The following GBF1 variants were observed in gnomAD, a reference collection of about 807,000 sequenced individuals.
GBF1 encodes the protein golgi brefeldin A resistant guanine nucleotide exchange factor 1.
Under a neutral mutation model 210.5 loss-of-function variants are expected in GBF1, and 114 were observed. That is an observed-to-expected ratio of 0.54 (90% CI 0.47 to 0.63). The LOEUF is 0.63. GBF1 is among the 30% of genes least tolerant of loss of function. GBF1 has a pLI of 0.00. For missense variants in GBF1, 1,851 were observed against 2,357.7 expected, an observed-to-expected ratio of 0.79 and a Z score of 4.45; for synonymous variants, 850 against 889.2, an observed-to-expected ratio of 0.96 and a Z score of 0.78.
chr10:102,307,493 A>G lies in GBF1; in HGVS notation c.164-36558A>G, dbSNP rs994785842. ...TGAGAACCGGTGTAAATCAATAAGA[A>G]AAAAGCAGATTTCCCAGCTGGGCAC... On this transcript the variant is annotated intron_variant, in intron 3 of 39. Coordinates refer to ENST00000369983, the MANE Select transcript of GBF1 (RefSeq NM_001377137.1). Among the ~76,000 whole-genome samples, 8 of 152,060 alleles carry G rather than the reference A, an allele frequency of 5.3e-5. No homozygotes were observed. In the East Asian group the frequency reaches 1.5e-3, roughly 29 times the overall value.
intron 1 of GBF1, among the ~76,000 whole-genome samples, chr10:102,255,788 A>G (rs1362704318): frequency 6.6e-6 from 1 of 152,212 alleles, no homozygotes; most frequent in Non-Finnish European, 1.5e-5. Flanking sequence ...TTGTACATTC[A>G]TATCATTGAC....
chr10:102,248,785 C>T (rs928368895), intron 1 of GBF1, among the ~76,000 whole-genome samples: 10 of 152,110 alleles, frequency 6.6e-5, no homozygotes, highest in African/African-American at 2.2e-4. Flanking sequence ...CAGATGTGCG[C>T]CATCATGCCC....
rs397968996 is a variant in GBF1, at chr10:102,366,584, CTTTTTT to C, written c.2433+93_2433+98del. 6.2e-4 allele frequency: 399 copies of C among 641,388 alleles called. No individual in the cohort carries two copies. Among genetic ancestry groups the C allele is most frequent in the Non-Finnish European group, 7.1e-4 (304 of 428,600 alleles). The allele number at this position is 641,388 out of a possible 1,614,324, so 39.7% of individuals were successfully genotyped here. ...GGGCTGAAGAATCCAGCTGCTGTCT[CTTTTTT>C]TTTTTTTTTTTTTTGAGACAGAGTC... On this transcript the variant is annotated intron_variant, in intron 19 of 39. Transcript: ENST00000369983. The surrounding 1 kb of genome is among the most constrained non-coding windows in gnomAD (Gnocchi z 4.0).
chr10:102,359,778 C>CTTTT (rs57877868), intron 11 of GBF1, among the ~76,000 whole-genome samples: 1 of 139,284 alleles, frequency 7.2e-6, no homozygotes, highest in Non-Finnish European at 1.5e-5. Flanking sequence ...AATCCTTTTC[C>CTTTT]TTTTTTTTTT....
intron 17 of GBF1, among the ~76,000 whole-genome samples, chr10:102,364,942 T>C (rs1236744898): frequency 2.0e-5 from 3 of 152,204 alleles, no homozygotes; most frequent in Non-Finnish European, 2.9e-5. Context: ...TGGCCGTGAC[T>C]GGACATACAG....
chr10:102,305,175 TTGTGTGTGTGTG>T (rs60026956), intron 3 of GBF1, among the ~76,000 whole-genome samples: 361 of 139,738 alleles, frequency 2.6e-3, no homozygotes, highest in African/African-American at 7.2e-3. Flanking sequence ...ATATGCAGAT[TTGTGTGTGTGTG>T]TGTGTGTGTG....
chr10:102,380,227 G>A (rs374137417), intron 36 of GBF1, 22 bp from the exon 37 acceptor site: 10 of 1,528,478 alleles, frequency 6.5e-6, no homozygotes, highest in Non-Finnish European at 9.1e-6. Context: ...CCCCTCAGCT[G>A]AAGGGGGCTG....
At chr10:102,376,506 G>A in intron 31 of GBF1, 54 bp from the exon 32 acceptor site, 1 of 1,612,042 alleles carries the variant, frequency 6.2e-7, no homozygotes, top group Non-Finnish European at 8.5e-7. Context: ...CCTCTGCAAG[G>A]ACATTCACAC....
intron 3 of GBF1, among the ~76,000 whole-genome samples, chr10:102,260,473 C>CTTTTTTTTTTTTTTTTTT: frequency 1.3e-5 from 1 of 74,792 alleles, no homozygotes; most frequent in Non-Finnish European, 2.3e-5. Context: ...ATTTTCCTTT[C>CTTTTTTTTTTTTTTTTTT]TTCTTTTTTT....
At chr10:102,240,748 C>T (rs1474461629), upstream of GBF1, among the ~76,000 whole-genome samples, 1 of 152,268 alleles carries the variant, frequency 6.6e-6, no homozygotes, top group Non-Finnish European at 1.5e-5. Context: ...ACTATACCCG[C>T]CGCCTGGTCA....
chr10:102,291,171 CTTTGTTTGTTTG>C lies in GBF1; in HGVS notation c.163+31075_163+31086del, dbSNP rs79994004. On this transcript the variant is annotated intron_variant, in intron 3 of 39. Coordinates refer to ENST00000369983, the MANE Select transcript of GBF1 (RefSeq NM_001377137.1). Reference sequence around the variant, plus strand: ...TTCTATTACTATGAGCTATTCACTGCTTTGTTTGTTTGTTTGTTTGTTTGTTTGTTTTAAATA... The same window carrying C: ...TTCTATTACTATGAGCTATTCACTGCTTTGTTTGTTTGTTTGTTTTAAATA... Among the ~76,000 whole-genome samples the C allele has an allele frequency of 3.3e-5, 5 of 151,722 alleles. No individual in the cohort carries two copies. In the East Asian group the frequency reaches 7.7e-4, roughly 23 times the overall value.
At chr10:102,374,237 C>G (rs1244379678) in intron 29 of GBF1, among the ~76,000 whole-genome samples, 2 of 151,964 alleles carry the variant, frequency 1.3e-5, no homozygotes, top group Non-Finnish European at 2.9e-5. Context: ...GTAATCCCAT[C>G]TACTTGGGAG....
intron 21 of GBF1, 50 bp from the exon 22 acceptor site, chr10:102,368,168 C>G: frequency 2.5e-6 from 3 of 1,193,970 alleles, no homozygotes; most frequent in Middle Eastern, 2.5e-4. Context: ...TGGTTTGGAA[C>G]TAGTCAGGTT....
At chr10:102,344,024 T>C in intron 3 of GBF1, 27 bp from the exon 4 acceptor site, 2 of 1,604,006 alleles carry the variant, frequency 1.2e-6, no homozygotes. Flanking sequence ...AGATGATACC[T>C]CTTCATTTCT....
At chr10:102,359,171 T>G (rs1196941130) in intron 10 of GBF1, 96 bp from the exon 11 acceptor site, 4 of 850,804 alleles carry the variant, frequency 4.7e-6, no homozygotes, top group Non-Finnish European at 8.0e-6. Flanking sequence ...CTGTAGCCCA[T>G]TAGAGACAGC....
rs2072839010 is a variant in GBF1 at position 102,258,984 on chromosome 10, G to T, written c.46G>T (p.Val16Leu). 1.2e-6 allele frequency: 2 copies of T among 1,609,358 alleles called. No homozygotes were observed. The highest frequency in any genetic ancestry group is 2.7e-5 in the African/African-American group (2 of 74,804). Residue 16 changes from valine (V) to leucine (L), a missense_variant, in exon 2 of 40, where the codon GTG becomes TTG. By Grantham distance (32) the Val-to-Leu change is conservative. Around this residue, in one of 3 missense-constraint regions of GBF1, gnomAD observed 804 missense variants for 958.6 expected, o/e 0.84. Transcript: ENST00000369983. ...IYIIQGEINI[V>L]VGAIKRNARW... ...CATCATTCAAGGGGAGATTAACATT[G>T]TGGTTGGGGCCATCAAACGAAATGC...
Position 102,376,978 on chromosome 10 carries a change from C to A in GBF1, c.4332C>A (p.Asp1444Glu), listed in dbSNP as rs1006550959. ...QEKRGKSHKY[D>E]SKGNRFKKKS... ...AACGTGGCAAGAGTCACAAATATGA[C>A]AGCAAAGGGAACCGCTTCAAGAAGA... Residue 1444 changes from aspartate (D) to glutamate (E), a missense_variant, in exon 33 of 40, where the codon GAC becomes GAA. By Grantham distance (45) the Asp-to-Glu change is conservative. Transcript: ENST00000369983. 4.3e-6 allele frequency: 7 copies of A among 1,614,038 alleles called. No individual in the cohort carries two copies. In the African/African-American group the frequency reaches 8.0e-5, roughly 18 times the overall value.
chr10:102,271,650 T>C (rs985963449), intron 3 of GBF1, among the ~76,000 whole-genome samples: 25 of 152,260 alleles, frequency 1.6e-4, no homozygotes, highest in South Asian at 2.1e-4. Context: ...TGTTATGTAC[T>C]AAAAGGATTA....
At chr10:102,293,709 A>T (rs1353247123) in intron 3 of GBF1, among the ~76,000 whole-genome samples, 1 of 151,484 alleles carries the variant, frequency 6.6e-6, no homozygotes, top group Non-Finnish European at 1.5e-5. Context: ...ATTTAAAAAT[A>T]GAAGAAACCT....
Sources: allele counts gnomAD v4.1 joint callset (sites outside exome capture counted in the v4.1 genomes callset), GRCh38; gene constraint gnomAD v4.1.1; regional missense constraint gnomAD v4.1.1; non-coding constraint Gnocchi (gnomAD v3.1); transcripts MANE v1.5; gene names NCBI Gene and HGNC (gene_info 2026-07-23, HGNC 2026-07-21).